Variants in ASB3 observed in about 807,000 individuals in gnomAD.
ASB3 encodes ankyrin repeat and SOCS box protein 3.
Under a neutral mutation model 54.5 loss-of-function variants are expected in ASB3, and 41 were observed. The ratio of observed to expected loss-of-function variants is 0.75; its 90% CI spans 0.59 to 0.98. ASB3 has a LOEUF of 0.98. Among genes scored for constraint, ASB3 ranks in the 50% least tolerant of loss-of-function variants. The pLI is 0.00. For missense variants in ASB3, 733 were observed against 620.0 expected (o/e 1.18, Z -1.94); for synonymous variants, 266 against 221.2 (o/e 1.20, Z -1.80).
chr2:53,724,561 T>C (rs1670888277), intron 5 of ASB3, among the ~76,000 whole-genome samples: 1 of 151,248 alleles, frequency 6.6e-6, no homozygotes, highest in South Asian at 2.1e-4. Context: ...ATAGTGCCAC[T>C]GTACGCCATC....
chr2:53,716,147 G>A (rs1670375767), intron 6 of ASB3, among the ~76,000 whole-genome samples: 1 of 152,160 alleles, frequency 6.6e-6, no homozygotes, highest in Non-Finnish European at 1.5e-5. Flanking sequence ...TTAAGACAGG[G>A]AGGACTACTT....
At chr2:53,770,782 A>G (rs961823119) in intron 1 of ASB3, among the ~76,000 whole-genome samples, 1 of 152,216 alleles carries the variant, frequency 6.6e-6, no homozygotes, top group Non-Finnish European at 1.5e-5. Context: ...CCTAGAACAC[A>G]AGTGGTCTGA....
At chr2:53,736,187 G>C (rs1391841338) in intron 3 of ASB3, among the ~76,000 whole-genome samples, 1 of 152,008 alleles carries the variant, frequency 6.6e-6, no homozygotes, top group Non-Finnish European at 1.5e-5. Flanking sequence ...ATTTGTGCAG[G>C]AACTTCACAA....
At position 53,745,888 on chromosome 2, in the gene ASB3, C is replaced by T. The variant is rs1572956400; in HGVS notation, c.355+4895G>A. 3.3e-5 allele frequency among the ~76,000 whole-genome samples: 5 copies of T among 152,360 alleles called. No individual in the cohort carries two copies. In the South Asian group the frequency reaches 1.0e-3, roughly 32 times the overall value. The stretch of plus-strand genomic sequence containing the variant: ...AAGTCCAACTAGTCCAGCTACTCTT[C>T]CTCATCTAGAAATTATTTGTAGTTT... On this transcript the variant is annotated intron_variant, in intron 3 of 9. Transcript: ENST00000263634.
chr2:53,754,400 A>G (rs1406484456), intron 2 of ASB3, among the ~76,000 whole-genome samples: 2 of 152,216 alleles, frequency 1.3e-5, no homozygotes, highest in Non-Finnish European at 2.9e-5. Flanking sequence ...TCATCTTGGG[A>G]AAAGGAAATA....
chr2:53,753,218 G>A (rs775998065), intron 2 of ASB3, among the ~76,000 whole-genome samples: 13 of 152,174 alleles, frequency 8.5e-5, no homozygotes, highest in Non-Finnish European at 1.6e-4. Context: ...ACTGAAAACT[G>A]TAAGACTAAA....
chr2:53,765,672 A>G, intron 1 of ASB3, 87 bp from the exon 2 acceptor site: 1 of 1,485,952 alleles, frequency 6.7e-7, no homozygotes, highest in South Asian at 1.2e-5. Flanking sequence ...GGGCCTGTCT[A>G]GTATCTCTCA....
chr2:53,761,964 C>A (rs983924714), intron 2 of ASB3, among the ~76,000 whole-genome samples: 4 of 152,194 alleles, frequency 2.6e-5, no homozygotes, highest in Non-Finnish European at 4.4e-5. Flanking sequence ...TACATTACAT[C>A]TCTACCATGA....
chr2:53,695,745 C>G (rs1021374701), intron 8 of ASB3, among the ~76,000 whole-genome samples: 13 of 152,080 alleles, frequency 8.5e-5, no homozygotes, highest in African/African-American at 3.1e-4. Context: ...ATTTAATCAA[C>G]TAAATGCACA....
Position 53,780,515 on chromosome 2 carries a change from G to A in ASB3, c.-14+6306C>T, listed in dbSNP as rs11690572. Reference sequence around the variant, plus strand: ...AAGCAGAGGGGTGGGTATGGTGCTCGTGCCTGTAATCTCAGCAATTTGGGA... The same window carrying A: ...AAGCAGAGGGGTGGGTATGGTGCTCATGCCTGTAATCTCAGCAATTTGGGA... On this transcript the variant is annotated intron_variant, in intron 1 of 9. Transcript: ENST00000263634. Among the ~76,000 whole-genome samples the A allele has an allele frequency of 4.7e-3, 715 of 152,180 alleles. 1 individual carries two copies. Among genetic ancestry groups the A allele is most frequent in the Non-Finnish European group, 7.3e-3 (497 of 68,004 alleles).
chr2:53,702,084 T>G (rs1223016226), intron 7 of ASB3, among the ~76,000 whole-genome samples: 1 of 152,210 alleles, frequency 6.6e-6, no homozygotes, highest in Non-Finnish European at 1.5e-5. Flanking sequence ...TCTACAGAAT[T>G]AGTATTCTAC....
At chr2:53,743,102 C>A (rs76945205) in intron 3 of ASB3, among the ~76,000 whole-genome samples, 12,282 of 151,744 alleles carry the variant, frequency 0.081, 651 homozygotes, top group Non-Finnish European at 0.12. Flanking sequence ...GGATTTTGTA[C>A]CTGATCAAAC....
intron 2 of ASB3, among the ~76,000 whole-genome samples, chr2:53,758,395 C>A (rs182551805): frequency 6.0e-4 from 92 of 152,334 alleles, no homozygotes; most frequent in African/African-American, 2.1e-3. Flanking sequence ...GACAAAGGCC[C>A]TAGTGGGCAA....
Position 53,670,397 on chromosome 2 carries a change from T to G in ASB3, c.*106A>C, listed in dbSNP as rs1180058838. 8.3e-7 allele frequency: 1 copy of G among 1,200,910 alleles called. No individual in the cohort carries two copies. Among genetic ancestry groups the G allele is most frequent in the South Asian group, 1.7e-5 (1 of 59,638 alleles). The allele number at this position is 1,200,910 out of a possible 1,614,324, so 74.4% of individuals were successfully genotyped here. A position where few individuals can be genotyped will look rare whatever the true frequency, so the allele number is the denominator to read the frequency against. ...AAAACCTAACCTATCTCACAATCAA[T>G]AATCATCTTTTGACTATAAAATCAT... On this transcript the variant is annotated 3_prime_UTR_variant, in exon 10 of 10. Transcript: ENST00000263634.
intron 9 of ASB3, among the ~76,000 whole-genome samples, chr2:53,693,404 T>C: frequency 6.6e-6 from 1 of 152,086 alleles, no homozygotes; most frequent in East Asian, 1.9e-4. Context: ...ATCTCCACAG[T>C]TATACCATAC....
At chr2:53,744,236 T>C (rs137892541) in intron 3 of ASB3, among the ~76,000 whole-genome samples, 2,558 of 149,388 alleles carry the variant, frequency 0.017, 27 homozygotes, top group South Asian at 0.051. Context: ...AAAAAAAAAT[T>C]AGCCAGGCGT....
intron 5 of ASB3, among the ~76,000 whole-genome samples, chr2:53,719,127 G>A (rs1424440261): frequency 6.6e-6 from 1 of 152,128 alleles, no homozygotes; most frequent in African/African-American, 2.4e-5. Flanking sequence ...GTTTCACCAT[G>A]TTGGCCAGGA....
At chr2:53,743,327 T>C (rs1485477142) in intron 3 of ASB3, among the ~76,000 whole-genome samples, 2 of 152,074 alleles carry the variant, frequency 1.3e-5, no homozygotes, top group African/African-American at 4.8e-5. Context: ...TTTGAACATG[T>C]AAAAACTCAG....
At chr2:53,711,929 GAGAA>G (rs1670121400) in intron 7 of ASB3, among the ~76,000 whole-genome samples, 1 of 152,096 alleles carries the variant, frequency 6.6e-6, no homozygotes, top group Non-Finnish European at 1.5e-5. Flanking sequence ...AGTCATTAGA[GAGAA>G]AGAGAGAGGC....
Sources: gnomAD v4.1 joint callset for allele counts (sites outside exome capture counted in the v4.1 genomes callset) on GRCh38, gnomAD v4.1.1 for gene constraint, MANE v1.5 for transcripts, NCBI Gene and HGNC (gene_info 2026-07-23, HGNC 2026-07-21) for gene names.